The following CDH19 variants were observed in gnomAD, a reference collection of about 807,000 sequenced individuals.
The protein encoded by CDH19 is cadherin 19, also known as cadherin-19.
A neutral mutation model predicts 64.2 loss-of-function variants in CDH19; 67 were observed. The ratio of observed to expected loss-of-function variants is 1.04; its 90% CI spans 0.86 to 1.28. The LOEUF is 1.28. CDH19 is among the 50% of genes most tolerant of loss of function. The probability of loss-of-function intolerance (pLI) is 0.00; values close to 1 mark genes in which losing one functional copy is unlikely to be tolerated. For missense variants in CDH19, 1,030 were observed against 929.0 expected (o/e 1.11, Z -1.41); for synonymous variants, 346 against 319.3 (o/e 1.08, Z -0.89).
chr18:66,571,117 CA>C (rs1321265659), intron 2 of CDH19, among the ~76,000 whole-genome samples: 1 of 150,948 alleles, frequency 6.6e-6, no homozygotes, highest in African/African-American at 2.4e-5. Flanking sequence ...TGTGTGTTCA[CA>C]ATACACCCTC....
rs1466912983 is a variant in CDH19, at chr18:66,544,793, C to T, written c.886G>A (p.Glu296Lys). The T allele has an allele frequency of 1.2e-6, 2 of 1,611,860 alleles. No individual in the cohort carries two copies. The highest frequency in any genetic ancestry group is 1.7e-6 in the Non-Finnish European group (2 of 1,178,204). Reference sequence around the variant, plus strand: ...TCAAATGTTTGCGAATCATCCTCTTCAATGCTGTAATCCATTTCTGCATTC... The same window carrying T: ...TCAAATGTTTGCGAATCATCCTCTTTAATGCTGTAATCCATTTCTGCATTC... Reference protein sequence around the residue: ...GENAEMDYSIEEDDSQTFDII... With the variant: ...GENAEMDYSIKEDDSQTFDII... Residue 296 changes from glutamate to lysine, a missense_variant, in exon 6 of 12, where the codon GAA becomes AAA. Physicochemically the swap from Glu to Lys is moderately conservative, Grantham distance 56. Coordinates refer to ENST00000262150, the MANE Select transcript of CDH19 (RefSeq NM_021153.4).
At chr18:66,564,598 T>A in intron 3 of CDH19, among the ~76,000 whole-genome samples, 1 of 152,046 alleles carries the variant, frequency 6.6e-6, no homozygotes, top group African/African-American at 2.4e-5. Flanking sequence ...TGAAACTAAA[T>A]TTTAAGGAAG....
chr18:66,507,769 A>G (rs1455478398), intron 11 of CDH19, among the ~76,000 whole-genome samples: 1 of 151,896 alleles, frequency 6.6e-6, no homozygotes, highest in Non-Finnish European at 1.5e-5. Context: ...TTCACAAAAG[A>G]CTTTTGGATT....
In CDH19 at chr18:66,552,786, T is replaced by C. The variant is rs1987390696; in HGVS notation, c.611-1528A>G. The stretch of plus-strand genomic sequence containing the variant: ...CTGCTCAGTATAGTTAAAAAGTCAG[T>C]GTGCAGGGTAGGGGCTGGGGGTGGA... On this transcript the variant is annotated intron_variant, in intron 4 of 11. Coordinates refer to ENST00000262150, the MANE Select transcript of CDH19 (RefSeq NM_021153.4). 1.5e-5 allele frequency among the ~76,000 whole-genome samples: 2 copies of C among 134,344 alleles called. 1 individual carries two copies. The highest frequency in any genetic ancestry group is 4.8e-4 in the South Asian group (2 of 4,210). The allele number at this position is 134,344 out of a possible 152,430, so 88.1% of individuals were successfully genotyped here. A position where few individuals can be genotyped will look rare whatever the true frequency, so the allele number is the denominator to read the frequency against.
intron 9 of CDH19, among the ~76,000 whole-genome samples, chr18:66,513,618 G>T (rs76537200): frequency 0.033 from 4,999 of 151,314 alleles, 192 homozygotes; most frequent in East Asian, 0.14. Context: ...CCAATGGAAA[G>T]GTTTTCATTT....
chr18:66,513,175 C>T (rs1477673713), intron 9 of CDH19, among the ~76,000 whole-genome samples: 1 of 151,476 alleles, frequency 6.6e-6, no homozygotes, highest in Non-Finnish European at 1.5e-5. Flanking sequence ...TATTTTACTA[C>T]CTGATGTTCT....
intron 1 of CDH19, among the ~76,000 whole-genome samples, chr18:66,596,966 C>CAGGG (rs1988909176): frequency 6.9e-6 from 1 of 145,754 alleles, no homozygotes; most frequent in African/African-American, 2.5e-5. Context: ...CCTGTAGTCC[C>CAGGG]AGCTACTTGG....
At chr18:66,518,462 G>A (rs1197472460) in intron 9 of CDH19, among the ~76,000 whole-genome samples, 1 of 151,998 alleles carries the variant, frequency 6.6e-6, no homozygotes. Flanking sequence ...TCGAACTTCT[G>A]ACCTCAGGTG....
intron 1 of CDH19, among the ~76,000 whole-genome samples, chr18:66,575,595 T>C (rs1184818544): frequency 6.6e-6 from 1 of 151,832 alleles, no homozygotes; most frequent in Non-Finnish European, 1.5e-5. Context: ...CAAATCACAG[T>C]TGTTACACCA....
chr18:66,550,730 G>A (rs753256897), intron 5 of CDH19, among the ~76,000 whole-genome samples: 2 of 151,994 alleles, frequency 1.3e-5, no homozygotes, highest in African/African-American at 2.4e-5. Flanking sequence ...ATAAAACAGA[G>A]ACCTTAACTC....
intron 6 of CDH19, among the ~76,000 whole-genome samples, 169 bp from the exon 7 acceptor site, chr18:66,544,393 T>C (rs1458089783): frequency 6.6e-6 from 1 of 152,196 alleles, no homozygotes; most frequent in Non-Finnish European, 1.5e-5. Flanking sequence ...ATAACAAATC[T>C]GGGTGTATTG....
rs1246764662 is a variant in CDH19, at chr18:66,509,217, T to G, written c.1606A>C (p.Thr536Pro). The G allele has an allele frequency of 6.2e-7, 1 of 1,612,358 alleles. No individual in the cohort carries two copies. Among genetic ancestry groups the G allele is most frequent in the Non-Finnish European group, 8.5e-7 (1 of 1,179,028 alleles). ...GGTTCTTCTTGAAGGTTAAAACCAG[T>G]TCTATTAGTCAAAATGACAGCTGTG... ...DNTAVILTNR[T>P]GFNLQEEPVF... The change falls in exon 11 of 12, where the codon ACT becomes CCT. Residue 536 changes from threonine to proline, a missense_variant. Physicochemically the swap from Thr to Pro is conservative, Grantham distance 38. Transcript: ENST00000262150.
chr18:66,509,308 G>T, intron 10 of CDH19, 62 bp from the exon 11 acceptor site: 1 of 1,419,560 alleles, frequency 7.0e-7, no homozygotes, highest in African/African-American at 1.4e-5. Context: ...GTATGTAATA[G>T]TCACATGTGC....
At chr18:66,550,270 T>C (rs530242548) in intron 5 of CDH19, among the ~76,000 whole-genome samples, 1 of 152,262 alleles carries the variant, frequency 6.6e-6, no homozygotes, top group African/African-American at 2.4e-5. Flanking sequence ...AAGCATACCA[T>C]GTGTTTATGT....
At chr18:66,542,791 T>A (rs759898979) in intron 7 of CDH19, among the ~76,000 whole-genome samples, 3 of 152,150 alleles carry the variant, frequency 2.0e-5, no homozygotes, top group Non-Finnish European at 2.9e-5. Flanking sequence ...GCATGAATCC[T>A]GTTGTGAACT....
chr18:66,595,336 G>A (rs1988856260), intron 1 of CDH19, among the ~76,000 whole-genome samples: 1 of 151,228 alleles, frequency 6.6e-6, no homozygotes, highest in African/African-American at 2.4e-5. Context: ...AAAATAGCTA[G>A]CTGAGCTGAA....
At chr18:66,518,683 A>G (rs1269922839) in intron 9 of CDH19, among the ~76,000 whole-genome samples, 2 of 152,190 alleles carry the variant, frequency 1.3e-5, no homozygotes, top group Admixed American at 6.5e-5. Flanking sequence ...TATTATTTTT[A>G]GGAAAGTTTA....
intron 9 of CDH19, among the ~76,000 whole-genome samples, chr18:66,518,935 AGT>A (rs1201914234): frequency 6.6e-6 from 1 of 152,192 alleles, no homozygotes; most frequent in African/African-American, 2.4e-5. Context: ...CTGTGCATGC[AGT>A]CTCTCAGACA....
rs937199406 is a variant in CDH19, at chr18:66,503,921, C to T, written c.*891G>A. 2.0e-5 allele frequency: 3 copies of T among 151,904 alleles called. No individual in the cohort carries two copies. The highest frequency in any genetic ancestry group is 7.2e-5 in the African/African-American group (3 of 41,416). 9.4% of individuals were successfully genotyped at this position (151,904 alleles called of 1,614,324 possible). A position where few individuals can be genotyped will look rare whatever the true frequency, so the allele number is the denominator to read the frequency against. On this transcript the variant is annotated 3_prime_UTR_variant, in exon 12 of 12. Transcript: ENST00000262150. The stretch of plus-strand genomic sequence containing the variant: ...TTTTAAACATTTATGTAATCACCCA[C>T]ATTATCCTAGGTGTTAAAGTTTTAA...
Sources: gnomAD v4.1 joint callset for allele counts (sites outside exome capture counted in the v4.1 genomes callset) on GRCh38, gnomAD v4.1.1 for gene constraint, MANE v1.5 for transcripts, NCBI Gene and HGNC (gene_info 2026-07-23, HGNC 2026-07-21) for gene names.